The following GREM2 variants were observed in gnomAD, a reference collection of about 807,000 sequenced individuals.
GREM2 encodes the protein gremlin 2, DAN family BMP antagonist.
GREM2 carries 11 observed loss-of-function variants against 14.2 expected under a neutral mutation model. That is an observed-to-expected ratio of 0.78 (90% CI 0.49 to 1.28). The LOEUF is 1.28. Ranked by LOEUF, GREM2 falls within the 50% of genes most tolerant of loss-of-function variation. GREM2 has a pLI of 0.00. For synonymous variants in GREM2, 98 were observed against 97.6 expected, an observed-to-expected ratio of 1.00 and a Z score of -0.02; for missense variants, 210 against 218.5, an observed-to-expected ratio of 0.96 and a Z score of 0.24.
intron 1 of GREM2, among the ~76,000 whole-genome samples, chr1:240,528,979 C>A (rs997407624): frequency 3.3e-5 from 5 of 152,102 alleles, no homozygotes; most frequent in Non-Finnish European, 5.9e-5. Flanking sequence ...GTTCAGCAGC[C>A]AGAGTCGCCC....
In GREM2 at chr1:240,583,431, C is replaced by A. The variant is rs1679529549; in HGVS notation, c.-2+28453G>T. The stretch of plus-strand genomic sequence containing the variant: ...GAAAATTTCCATTCATGGAATAGCA[C>A]CAAATGTACACGATGTCAGTGCCTT... On this transcript the variant is annotated intron_variant, in intron 1 of 1. Transcript: ENST00000318160. Among the ~76,000 whole-genome samples the A allele has an allele frequency of 1.3e-5, 2 of 152,110 alleles. 1 individual carries two copies. The highest frequency in any genetic ancestry group is 4.1e-4 in the South Asian group (2 of 4,822).
At chr1:240,569,235 C>G (rs561969344) in intron 1 of GREM2, among the ~76,000 whole-genome samples, 1 of 152,266 alleles carries the variant, frequency 6.6e-6, no homozygotes, top group South Asian at 2.1e-4. Context: ...ATATCTTGTT[C>G]ATGAGCTGAA....
intron 1 of GREM2, among the ~76,000 whole-genome samples, chr1:240,496,019 C>A (rs911345942): frequency 6.6e-6 from 1 of 152,008 alleles, no homozygotes; most frequent in Non-Finnish European, 1.5e-5. Flanking sequence ...TCACTGCAAC[C>A]TCTGCCTCCC....
intron 1 of GREM2, among the ~76,000 whole-genome samples, chr1:240,556,245 C>T (rs1309629023): frequency 6.6e-6 from 1 of 152,278 alleles, no homozygotes; most frequent in Non-Finnish European, 1.5e-5. Flanking sequence ...AGTGAAATCC[C>T]CAGACTTCCT....
intron 1 of GREM2, among the ~76,000 whole-genome samples, chr1:240,608,950 G>T (rs781080421): frequency 6.6e-6 from 1 of 152,158 alleles, no homozygotes; most frequent in African/African-American, 2.4e-5. Context: ...ATAGACAGGA[G>T]TGTTACAGTA....
At chr1:240,599,722 A>G (rs946184186) in intron 1 of GREM2, among the ~76,000 whole-genome samples, 13 of 152,222 alleles carry the variant, frequency 8.5e-5, no homozygotes, top group African/African-American at 2.7e-4. Context: ...AATGTACCAC[A>G]ACACTTGAAA....
At chr1:240,601,677 C>T (rs765193701) in intron 1 of GREM2, among the ~76,000 whole-genome samples, 6 of 152,216 alleles carry the variant, frequency 3.9e-5, no homozygotes, top group South Asian at 4.1e-4. Context: ...GAGGCCGAGG[C>T]GGGCATCTCT....
chr1:240,551,101 C>G (rs1678840690), intron 1 of GREM2, among the ~76,000 whole-genome samples: 2 of 152,144 alleles, frequency 1.3e-5, no homozygotes, highest in Admixed American at 1.3e-4. Context: ...GAGCTGGTTT[C>G]TCATCTTCCC....
chr1:240,584,547 A>T (rs1161724228), intron 1 of GREM2, among the ~76,000 whole-genome samples: 3 of 151,544 alleles, frequency 2.0e-5, no homozygotes, highest in Non-Finnish European at 4.4e-5. Context: ...ATTAAAAAAT[A>T]AAAAAAATTA....
intron 1 of GREM2, among the ~76,000 whole-genome samples, chr1:240,601,380 G>T (rs993752211): frequency 6.6e-6 from 1 of 152,018 alleles, no homozygotes; most frequent in Non-Finnish European, 1.5e-5. Context: ...AACCTACATG[G>T]AGTCTTATGC....
intron 1 of GREM2, among the ~76,000 whole-genome samples, chr1:240,546,121 G>A (rs1276820629): frequency 6.6e-6 from 1 of 151,918 alleles, no homozygotes; most frequent in African/African-American, 2.4e-5. Context: ...GATCACTTGA[G>A]CTTAGAAGTT....
chr1:240,499,342 C>A (rs375305261), intron 1 of GREM2, among the ~76,000 whole-genome samples: 1 of 152,142 alleles, frequency 6.6e-6, no homozygotes, highest in Non-Finnish European at 1.5e-5. Flanking sequence ...TGGCGTGGGG[C>A]TGAAACTTTT....
intron 1 of GREM2, among the ~76,000 whole-genome samples, chr1:240,587,323 T>C (rs1679617698): frequency 1.8e-5 from 2 of 112,272 alleles, no homozygotes; most frequent in South Asian, 8.0e-4. Flanking sequence ...TTCTTTTTTC[T>C]TTTTTTTGGG....
chr1:240,536,500 A>G (rs1678471679), intron 1 of GREM2, among the ~76,000 whole-genome samples: 1 of 152,358 alleles, frequency 6.6e-6, no homozygotes, highest in Admixed American at 6.5e-5. Flanking sequence ...TGATTTTCTC[A>G]GTCCAAGAGG....
intron 1 of GREM2, among the ~76,000 whole-genome samples, chr1:240,520,597 C>T (rs937804122): frequency 2.6e-5 from 4 of 151,744 alleles, no homozygotes. Context: ...GGCTGGAGTA[C>T]AGTGGTACAA....
rs373927392 is a variant in GREM2 at position 240,556,998 on chromosome 1, C to T, written c.-2+54886G>A. Among the ~76,000 whole-genome samples the T allele has an allele frequency of 5.7e-4, 87 of 151,690 alleles. 1 individual carries two copies. In the East Asian group the frequency reaches 0.011, roughly 18 times the overall value. On this transcript the variant is annotated intron_variant, in intron 1 of 1. Transcript: ENST00000318160. ...CAGCCTGGATAACATGGTGAAACCC[C>T]GTCTCTACTAAAACACAAAAAATTA...
intron 1 of GREM2, among the ~76,000 whole-genome samples, chr1:240,507,881 T>G (rs1265324665): frequency 6.6e-6 from 1 of 152,200 alleles, no homozygotes; most frequent in African/African-American, 2.4e-5. Flanking sequence ...ATGTTGCTGA[T>G]AAACCATAAT....
At position 240,490,219 on chromosome 1, in the gene GREM2, T is replaced by C. The variant is rs1052230895; in HGVS notation, c.*2750A>G. 2.0e-5 allele frequency: 3 copies of C among 152,218 alleles called. No homozygotes were observed. The highest frequency in any genetic ancestry group is 7.2e-5 in the African/African-American group (3 of 41,454). The allele number at this position is 152,218 out of a possible 1,614,324, so 9.4% of individuals were successfully genotyped here. A position where few individuals can be genotyped will look rare whatever the true frequency, so the allele number is the denominator to read the frequency against. ...AGTGTTTCTCCTTCAGCCAGCACAG[T>C]GAGAATACTCTGTCTTCAGCTGGCA... On this transcript the variant is annotated 3_prime_UTR_variant, in exon 2 of 2. Transcript: ENST00000318160.
At chr1:240,501,970 CTAAA>C (rs1342661031) in intron 1 of GREM2, among the ~76,000 whole-genome samples, 1 of 152,078 alleles carries the variant, frequency 6.6e-6, no homozygotes, top group East Asian at 1.9e-4. Flanking sequence ...TAGGCAGTAC[CTAAA>C]TATTTTTTTT....
Sources: allele counts gnomAD v4.1 joint callset (sites outside exome capture counted in the v4.1 genomes callset), GRCh38; gene constraint gnomAD v4.1.1; transcripts MANE v1.5; gene names NCBI Gene and HGNC (gene_info 2026-07-23, HGNC 2026-07-21).